The following DCHS2 variants were observed in gnomAD, a reference collection of about 807,000 sequenced individuals.
DCHS2 encodes protocadherin-23.
Under a neutral mutation model 182.4 loss-of-function variants are expected in DCHS2, and 142 were observed. The observed-to-expected ratio is 0.78, with a 90% CI of 0.68 to 0.89. The LOEUF is 0.89. Among genes scored for constraint, DCHS2 ranks in the 40% least tolerant of loss-of-function variants. The pLI, the probability that DCHS2 is intolerant of heterozygous loss-of-function variation, is 0.00. For missense variants in DCHS2, 4,319 were observed against 4,198.6 expected (o/e 1.03, Z -0.79); for synonymous variants, 1,740 against 1,663.3 (o/e 1.05, Z -1.12).
At position 154,232,161 on chromosome 4, in the gene DCHS2, C is replaced by T. The variant is rs757645547; in HGVS notation, c.*2375G>A. On this transcript the variant is annotated 3_prime_UTR_variant, in exon 20 of 20. Coordinates refer to ENST00000357232, the MANE Select transcript of DCHS2 (RefSeq NM_001358235.2). ...GCCAGTGCATAGATCAGCAAAGTAA[C>T]CCAGAACATATGAGGCAAGTTAATA... The T allele has an allele frequency of 1.4e-4, 22 of 152,034 alleles. No individual in the cohort carries two copies. Among genetic ancestry groups the T allele is most frequent in the Non-Finnish European group, 2.9e-4 (20 of 67,990 alleles). 9.4% of individuals were successfully genotyped at this position (152,034 alleles called of 1,614,324 possible).
At chr4:154,255,496 A>G (rs371058913) in intron 16 of DCHS2, 23 bp downstream of exon 16, 1 of 1,601,338 alleles carries the variant, frequency 6.2e-7, no homozygotes, top group African/African-American at 1.3e-5. Flanking sequence ...AATGGAGCCA[A>G]TGGATCTGAA....
chr4:154,431,519 T>C (rs1275561696), intron 1 of DCHS2, among the ~76,000 whole-genome samples: 1 of 152,162 alleles, frequency 6.6e-6, no homozygotes, highest in Non-Finnish European at 1.5e-5. Context: ...TATATTATTG[T>C]ATATAGGAAT....
intron 1 of DCHS2, among the ~76,000 whole-genome samples, chr4:154,436,233 A>G (rs374859376): frequency 3.3e-5 from 5 of 152,190 alleles, no homozygotes; most frequent in African/African-American, 1.2e-4. Context: ...AATTTTTAAA[A>G]TTGTATTGGT....
At chr4:154,324,349 T>A (rs186990258) in intron 7 of DCHS2, among the ~76,000 whole-genome samples, 343 of 152,300 alleles carry the variant, frequency 2.3e-3, no homozygotes, top group African/African-American at 8.0e-3. Context: ...CAGACTCATC[T>A]TGTAGATTTC....
At chr4:154,386,944 C>T (rs1731449017) in intron 1 of DCHS2, among the ~76,000 whole-genome samples, 1 of 152,050 alleles carries the variant, frequency 6.6e-6, no homozygotes, top group African/African-American at 2.4e-5. Flanking sequence ...TTTTTCAAAG[C>T]CACTAAATGC....
intron 4 of DCHS2, chr4:154,333,999 T>A (rs978585694): frequency 6.5e-6 from 1 of 153,732 alleles, no homozygotes; most frequent in African/African-American, 2.4e-5. Flanking sequence ...TTTTAAGAAT[T>A]TTTTTGGTGT....
intron 1 of DCHS2, among the ~76,000 whole-genome samples, chr4:154,468,650 C>T (rs1243335650): frequency 2.6e-5 from 4 of 152,094 alleles, no homozygotes; most frequent in African/African-American, 4.8e-5. Context: ...TTCTTTATTG[C>T]TATTGATACA....
At chr4:154,417,313 T>G (rs760456581) in intron 1 of DCHS2, among the ~76,000 whole-genome samples, 2 of 151,662 alleles carry the variant, frequency 1.3e-5, no homozygotes, top group African/African-American at 4.8e-5. Context: ...AAGTGCACTG[T>G]GAGCACATTT....
At chr4:154,239,068 G>C (rs1731673813) in intron 19 of DCHS2, 102 bp downstream of exon 19, 4 of 1,436,070 alleles carry the variant, frequency 2.8e-6, no homozygotes, top group Non-Finnish European at 3.7e-6. Context: ...ATGCGGGGTG[G>C]GGAGGTGGGG....
intron 1 of DCHS2, among the ~76,000 whole-genome samples, chr4:154,405,690 CA>C (rs1732371549): frequency 6.6e-6 from 1 of 152,140 alleles, no homozygotes; most frequent in South Asian, 2.1e-4. Flanking sequence ...GTCATTCCCA[CA>C]TATTCTCTCA....
In DCHS2 at chr4:154,235,163, T is replaced by C; in HGVS notation, c.9489A>G (p.Thr3163=). ...VTAETAEASQ[T]FGEGDQGEGC... ...CTTCCCCTTGATCTCCTTCCCCAAA[T>C]GTTTGGCTGGCTTCTGCTGTTTCGG... Residue 3163 remains threonine (T), a synonymous_variant, in exon 20 of 20, where the codon ACA becomes ACG. Coordinates refer to ENST00000357232, the MANE Select transcript of DCHS2 (RefSeq NM_001358235.2). The C allele has an allele frequency of 1.2e-6, 2 of 1,614,080 alleles. No homozygotes were observed. The highest frequency in any genetic ancestry group is 1.7e-6 in the Non-Finnish European group (2 of 1,179,952).
intron 19 of DCHS2, 181 bp from the exon 20 acceptor site, chr4:154,237,340 T>A (rs1222337750): frequency 2.4e-6 from 2 of 826,134 alleles, no homozygotes; most frequent in African/African-American, 1.7e-5. Flanking sequence ...GTTTATAACA[T>A]GTAAGATACA....
At chr4:154,323,316 A>G (rs1736151950) in intron 7 of DCHS2, 5 of 1,544,432 alleles carry the variant, frequency 3.2e-6, no homozygotes, top group South Asian at 1.2e-5. Context: ...TTCCCTTCAG[A>G]GGCATAGGTC....
At chr4:154,470,191 T>C (rs1456049512) in intron 1 of DCHS2, among the ~76,000 whole-genome samples, 1 of 152,150 alleles carries the variant, frequency 6.6e-6, no homozygotes, top group Non-Finnish European at 1.5e-5. Flanking sequence ...TATTCAACAA[T>C]TTTTAGCTAG....
At chr4:154,260,890 G>A (rs534603419) in intron 14 of DCHS2, among the ~76,000 whole-genome samples, 83 of 152,284 alleles carry the variant, frequency 5.5e-4, no homozygotes, top group Non-Finnish European at 1.1e-3. Flanking sequence ...CCAGGTTAGG[G>A]AAGCAGATTT....
At chr4:154,277,379 C>G (rs1194168301) in intron 13 of DCHS2, among the ~76,000 whole-genome samples, 1 of 151,978 alleles carries the variant, frequency 6.6e-6, no homozygotes, top group Non-Finnish European at 1.5e-5. Flanking sequence ...TACCGCAGTG[C>G]CAGAGAATGT....
intron 18 of DCHS2, 132 bp from the exon 19 acceptor site, chr4:154,239,434 G>C (rs1731695000): frequency 7.3e-7 from 1 of 1,371,136 alleles, no homozygotes; most frequent in African/African-American, 1.5e-5. Flanking sequence ...GACTTTGTTA[G>C]ACATATTAAT....
intron 13 of DCHS2, among the ~76,000 whole-genome samples, chr4:154,270,299 T>C (rs4386584): frequency 0.48 from 72,843 of 151,870 alleles, 18,880 homozygotes; most frequent in Non-Finnish European, 0.58. Context: ...TTCAATTGTG[T>C]CAGGCCCTTA....
intron 2 of DCHS2, among the ~76,000 whole-genome samples, chr4:154,369,530 C>T (rs952969326): frequency 7.2e-5 from 11 of 152,174 alleles, no homozygotes; most frequent in East Asian, 5.8e-4. Context: ...GAAACTGTTT[C>T]GATAATGCAA....
Sources: allele counts gnomAD v4.1 joint callset (sites outside exome capture counted in the v4.1 genomes callset), GRCh38; gene constraint gnomAD v4.1.1; transcripts MANE v1.5; gene names NCBI Gene and HGNC (gene_info 2026-07-23, HGNC 2026-07-21).